Variants in ZNF117 observed in about 807,000 individuals in gnomAD.
ZNF117 encodes the protein zinc finger protein 117.
A neutral mutation model predicts 41.2 loss-of-function variants in ZNF117; 37 were observed. That is an observed-to-expected ratio of 0.90 (90% CI 0.69 to 1.18). ZNF117 has a LOEUF of 1.18. Among genes scored for constraint, ZNF117 ranks in the 50% most tolerant of loss-of-function variants. The pLI is 0.00. For synonymous variants in ZNF117, 186 were observed against 186.6 expected (o/e 1.00, Z 0.02); for missense variants, 546 against 557.5 (o/e 0.98, Z 0.21).
exon 3 of ZNF117, chr7:64,978,026 G>C: frequency 7.3e-7 from 1 of 1,378,934 alleles, no homozygotes; most frequent in Non-Finnish European, 1.0e-6. Flanking sequence ...GTTTAGTAAG[G>C]GTTGAGAAAT....
chr7:64,975,052 CTTTAG>C (rs1038177942), exon 3 of ZNF117: 7 of 151,760 alleles, frequency 4.6e-5, no homozygotes, highest in African/African-American at 7.3e-5. Context: ...TAATTAAGTT[CTTTAG>C]TTTAAAGTCA....
exon 3 of ZNF117, chr7:64,978,259 T>C: frequency 6.3e-7 from 1 of 1,595,546 alleles, no homozygotes; most frequent in Non-Finnish European, 8.6e-7. Flanking sequence ...CCAGTATGAA[T>C]TCTCTTATGT....
At chr7:64,975,227 A>AAAAG (rs1785856562) in exon 3 of ZNF117, 5 of 152,014 alleles carry the variant, frequency 3.3e-5, no homozygotes, top group Admixed American at 3.3e-4. Flanking sequence ...TGTTAAAAAA[A>AAAAG]AAGTTTAATT....
rs1184617284 is a variant in ZNF117, at chr7:64,990,465, AG to A, written c.-715del. The A allele has an allele frequency of 1.1e-5, 2 of 184,240 alleles. No individual in the cohort carries two copies. The highest frequency in any genetic ancestry group is 1.5e-4 in the South Asian group (1 of 6,852). 11.4% of individuals were successfully genotyped at this position (184,240 alleles called of 1,614,324 possible). Reference sequence around the variant, plus strand: ...CTTGACTTTTATACATGCATCAGGCAGGGGCAAGTCGGGTTTTTGGCGCAAA... The same window carrying A: ...CTTGACTTTTATACATGCATCAGGCAGGGCAAGTCGGGTTTTTGGCGCAAA... On this transcript the variant is annotated 5_prime_UTR_variant, in exon 1 of 4. It removes the in-frame stop codon of an upstream open reading frame in the 5' UTR. Coordinates refer to the ZNF117 transcript ENST00000282869.
rs780151952 is a variant in ZNF117 at position 64,978,431 on chromosome 7, C to CTT, written c.1138_1139dup (p.Ile381ArgfsTer2). 3.1e-6 allele frequency: 5 copies of CTT among 1,613,546 alleles called. No individual in the cohort carries two copies. In the South Asian group the frequency reaches 4.4e-5, roughly 14 times the overall value. ...GGGGATTCTCTCCAGTATGGATTAT[C>CTT]TTATGTGTATTAAGGGCTGAGGACT... On this transcript the variant is annotated frameshift_variant, in exon 3 of 3. Transcript: ENST00000620222. LOFTEE classifies it high-confidence loss of function.
At chr7:64,979,380 C>G (rs1785974797) in exon 3 of ZNF117, 2 of 1,608,870 alleles carry the variant, frequency 1.2e-6, no homozygotes, top group Non-Finnish European at 1.7e-6. Flanking sequence ...ACTATAATCT[C>G]CTTTGTGCTG....
At chr7:64,980,552 CTG>C (rs1204492364) in intron 2 of ZNF117, 1 of 150,058 alleles carries the variant, frequency 6.7e-6, no homozygotes, top group African/African-American at 2.4e-5. Context: ...ATAAGAAAAA[CTG>C]ATGTAAAAAT....
At chr7:64,976,050 A>C (rs1489203165) in exon 3 of ZNF117, 1 of 152,196 alleles carries the variant, frequency 6.6e-6, no homozygotes, top group East Asian at 1.9e-4. Flanking sequence ...CCTTTAGTAC[A>C]TAATGTGTAC....
At chr7:64,989,203 G>A (rs1430438318) in intron 1 of ZNF117, among the ~76,000 whole-genome samples, 1 of 148,618 alleles carries the variant, frequency 6.7e-6, no homozygotes, top group Non-Finnish European at 1.5e-5. Flanking sequence ...ATATATAAAC[G>A]ACTCATAGAA....
intron 1 of ZNF117, among the ~76,000 whole-genome samples, chr7:64,989,176 T>TAC (rs146554486): frequency 0.037 from 5,502 of 148,226 alleles, 158 homozygotes; most frequent in East Asian, 0.15. Context: ...TATACACATA[T>TAC]ACACACACAC....
At chr7:64,978,956 T>C in exon 3 of ZNF117, 1 of 1,609,904 alleles carries the variant, frequency 6.2e-7, no homozygotes, top group Non-Finnish European at 8.5e-7. Context: ...TAAGGGTCGA[T>C]GACTGGTTAA....
At chr7:64,978,459 T>C in exon 3 of ZNF117, 26 of 1,613,498 alleles carry the variant, frequency 1.6e-5, no homozygotes, top group Non-Finnish European at 2.2e-5. Context: ...TGAGGACTGG[T>C]TAAAGGCTTT....
upstream of ZNF117, among the ~76,000 whole-genome samples, chr7:64,986,532 T>C (rs1584053668): frequency 6.6e-6 from 1 of 152,186 alleles, no homozygotes. Flanking sequence ...TTATGTCTGG[T>C]GGAACGTGTA....
chr7:64,976,678 C>G (rs895052932), exon 3 of ZNF117: 1 of 282,640 alleles, frequency 3.5e-6, no homozygotes, highest in East Asian at 1.0e-4. Context: ...ATTATCTTAC[C>G]TACAATCAAG....
chr7:64,976,124 A>G (rs1785880166), exon 3 of ZNF117: 1 of 152,180 alleles, frequency 6.6e-6, no homozygotes, highest in East Asian at 1.9e-4. Flanking sequence ...GTTTGTCTTC[A>G]AAATGAAAAC....
exon 3 of ZNF117, chr7:64,975,822 T>A (rs983105140): frequency 1.3e-4 from 20 of 152,176 alleles, no homozygotes; most frequent in African/African-American, 4.3e-4. Flanking sequence ...CTTAGATATT[T>A]CTACTGTGAA....
At chr7:64,986,715 G>C (rs1786143856), upstream of ZNF117, among the ~76,000 whole-genome samples, 1 of 152,120 alleles carries the variant, frequency 6.6e-6, no homozygotes. Flanking sequence ...GGGTTTGTGT[G>C]ACCCAGTTCC....
At position 64,978,851 on chromosome 7, in the gene ZNF117, CT is replaced by C; in HGVS notation, c.719del (p.Lys240SerfsTer2). 1.2e-6 allele frequency: 2 copies of C among 1,613,604 alleles called. No individual in the cohort carries two copies. The highest frequency in any genetic ancestry group is 1.1e-5 in the South Asian group (1 of 91,074). The stretch of plus-strand genomic sequence containing the variant: ...AACGTTTCTCTCCGGTATGAATTAA[CT>C]TATGTTCAGTAAGCTTTGAGGCTTG... On this transcript the variant is annotated frameshift_variant, in exon 3 of 3. Coordinates refer to ENST00000620222, the Ensembl canonical transcript of ZNF117. LOFTEE classifies it high-confidence loss of function.
At chr7:64,986,436 T>C (rs1052039165), upstream of ZNF117, among the ~76,000 whole-genome samples, 6 of 152,122 alleles carry the variant, frequency 3.9e-5, no homozygotes, top group African/African-American at 1.2e-4. Context: ...TGCAGACAAA[T>C]GGCACAGACA....
Sources: gnomAD v4.1 joint callset for allele counts (sites outside exome capture counted in the v4.1 genomes callset) on GRCh38, gnomAD v4.1.1 for gene constraint, MANE v1.5 for transcripts, NCBI Gene and HGNC (gene_info 2026-07-23, HGNC 2026-07-21) for gene names.